Variants in RABGAP1L observed in about 807,000 individuals in gnomAD.
The protein encoded by RABGAP1L is RAB GTPase activating protein 1 like, also known as rab GTPase-activating protein 1-like.
RABGAP1L carries 63 observed loss-of-function variants against 137.7 expected under a neutral mutation model. The ratio of observed to expected loss-of-function variants is 0.46; its 90% CI spans 0.37 to 0.56. The LOEUF (loss-of-function observed/expected upper bound fraction) is 0.56, where lower values mean the gene tolerates loss of function less well. Ranked by LOEUF, RABGAP1L falls within the 20% of genes least tolerant of loss-of-function variation. The probability of loss-of-function intolerance (pLI) is 0.00; values close to 1 mark genes in which losing one functional copy is unlikely to be tolerated. For missense variants in RABGAP1L, 1,095 were observed against 1,244.0 expected (o/e 0.88, Z 1.80); for synonymous variants, 431 against 433.7 (o/e 0.99, Z 0.08).
rs542998624 is a variant in RABGAP1L, at chr1:174,885,293, A to G, written c.2341-72164A>G. ...TTAAATTAAATCAGTAATATATGTA[A>G]AGCACTTAAGAAAATTAATTGTCAA... is the stretch of plus-strand genomic sequence containing the variant. On this transcript the variant is annotated intron_variant, in intron 19 of 25. Transcript: ENST00000681986. Among the ~76,000 whole-genome samples, 4 of 152,320 alleles carry G rather than the reference A, an allele frequency of 2.6e-5. No homozygotes were observed. In the East Asian group the frequency reaches 7.7e-4, roughly 29 times the overall value.
At chr1:174,290,472 C>T (rs536331526) in intron 10 of RABGAP1L, among the ~76,000 whole-genome samples, 2 of 152,222 alleles carry the variant, frequency 1.3e-5, no homozygotes, top group South Asian at 4.1e-4. Flanking sequence ...ACTTATACTT[C>T]CAATACAACT....
chr1:174,860,230 A>G (rs1049908979), intron 19 of RABGAP1L, among the ~76,000 whole-genome samples: 13 of 152,160 alleles, frequency 8.5e-5, no homozygotes, highest in African/African-American at 2.7e-4. Flanking sequence ...TAGAAATTGT[A>G]TCCTGGCACC....
intron 17 of RABGAP1L, among the ~76,000 whole-genome samples, chr1:174,719,265 C>T (rs568490606): frequency 4.6e-5 from 7 of 152,112 alleles, no homozygotes; most frequent in Non-Finnish European, 7.4e-5. Flanking sequence ...TAAAAGATAT[C>T]TTTAATAATT....
At chr1:174,753,497 C>G (rs1425321183) in intron 18 of RABGAP1L, among the ~76,000 whole-genome samples, 3 of 152,114 alleles carry the variant, frequency 2.0e-5, no homozygotes, top group African/African-American at 7.2e-5. Context: ...CACATTTGCT[C>G]TTTGTGAAGT....
intron 11 of RABGAP1L, among the ~76,000 whole-genome samples, chr1:174,323,947 C>G (rs1680231875): frequency 6.6e-6 from 1 of 152,008 alleles, no homozygotes; most frequent in Admixed American, 6.6e-5. Flanking sequence ...TGGATATGCT[C>G]TATAATGGAA....
At chr1:174,291,764 A>G (rs1173312396) in intron 10 of RABGAP1L, among the ~76,000 whole-genome samples, 1 of 151,936 alleles carries the variant, frequency 6.6e-6, no homozygotes, top group Non-Finnish European at 1.5e-5. Flanking sequence ...TTAAACATCT[A>G]TAGGGTTTGT....
intron 18 of RABGAP1L, among the ~76,000 whole-genome samples, chr1:174,796,993 C>T (rs553433549): frequency 3.3e-5 from 4 of 121,888 alleles, no homozygotes; most frequent in East Asian, 4.8e-4. Flanking sequence ...GGCAACAGAG[C>T]GAGACTCTGT....
intron 13 of RABGAP1L, among the ~76,000 whole-genome samples, chr1:174,446,869 A>G (rs1654829300): frequency 6.6e-6 from 1 of 152,248 alleles, no homozygotes; most frequent in East Asian, 1.9e-4. Context: ...GTATAGCAAC[A>G]TAGAACATGA....
At chr1:174,519,495 G>GGGT (rs1461359152) in intron 13 of RABGAP1L, among the ~76,000 whole-genome samples, 2 of 152,082 alleles carry the variant, frequency 1.3e-5, no homozygotes, top group African/African-American at 2.4e-5. Context: ...ACCAGATTAA[G>GGGT]GGTGGGTCTG....
chr1:174,265,350 TG>T (rs1673971140), intron 7 of RABGAP1L, among the ~76,000 whole-genome samples: 1 of 152,160 alleles, frequency 6.6e-6, no homozygotes, highest in Middle Eastern at 3.2e-3. Flanking sequence ...TGAAATTTAT[TG>T]GTTTTCTTGT....
intron 19 of RABGAP1L, among the ~76,000 whole-genome samples, chr1:174,854,573 A>C (rs994263961): frequency 6.6e-6 from 1 of 151,960 alleles, no homozygotes; most frequent in African/African-American, 2.4e-5. Context: ...TCCATTACCT[A>C]GTTTCAGCTC....
intron 13 of RABGAP1L, among the ~76,000 whole-genome samples, chr1:174,579,005 T>G (rs187385157): frequency 2.0e-5 from 3 of 152,240 alleles, no homozygotes. Context: ...TAGAACACAG[T>G]CATTTAAGTC....
At chr1:174,340,700 C>T (rs1340853672) in intron 11 of RABGAP1L, among the ~76,000 whole-genome samples, 1 of 152,066 alleles carries the variant, frequency 6.6e-6, no homozygotes, top group Non-Finnish European at 1.5e-5. Context: ...GATTCCATGT[C>T]TTTGCTAATT....
intron 13 of RABGAP1L, among the ~76,000 whole-genome samples, chr1:174,584,362 GT>G (rs1668961246): frequency 6.6e-6 from 1 of 152,110 alleles, no homozygotes; most frequent in African/African-American, 2.4e-5. Context: ...TTTTACTGGT[GT>G]TTCTCTATTA....
chr1:174,487,206 G>A (rs1336392235), intron 13 of RABGAP1L, among the ~76,000 whole-genome samples: 2 of 152,130 alleles, frequency 1.3e-5, no homozygotes, highest in African/African-American at 4.8e-5. Flanking sequence ...TCTGTGTAAT[G>A]CTGAAAGTGG....
chr1:174,605,870 A>T (rs1463819517), intron 13 of RABGAP1L, among the ~76,000 whole-genome samples: 1 of 152,182 alleles, frequency 6.6e-6, no homozygotes, highest in East Asian at 1.9e-4. Flanking sequence ...TTGTAAATTG[A>T]TGATTTATTT....
chr1:174,702,514 G>A (rs1186191555), intron 17 of RABGAP1L, among the ~76,000 whole-genome samples: 1 of 152,108 alleles, frequency 6.6e-6, no homozygotes, highest in African/African-American at 2.4e-5. Flanking sequence ...TTCATAATAA[G>A]CCTATATCTG....
intron 1 of RABGAP1L, among the ~76,000 whole-genome samples, chr1:174,169,287 T>C (rs547706894): frequency 1.3e-5 from 2 of 150,448 alleles, no homozygotes; most frequent in Admixed American, 1.3e-4. Context: ...TGGCATGATC[T>C]TGGCTCACTG....
chr1:174,852,075 A>G (rs528214250), intron 19 of RABGAP1L, among the ~76,000 whole-genome samples: 1 of 152,332 alleles, frequency 6.6e-6, no homozygotes, highest in Non-Finnish European at 1.5e-5. Context: ...CTTACCTTTC[A>G]ATTAATTCTT....
Sources: gnomAD v4.1 joint callset for allele counts (sites outside exome capture counted in the v4.1 genomes callset) on GRCh38, gnomAD v4.1.1 for gene constraint, MANE v1.5 for transcripts, NCBI Gene and HGNC (gene_info 2026-07-23, HGNC 2026-07-21) for gene names.